The following VWA5B1 variants were observed in gnomAD, a reference collection of about 807,000 sequenced individuals.
VWA5B1 encodes the protein von Willebrand factor A domain containing 5B1, also known as von Willebrand factor A domain-containing protein 5B1.
In VWA5B1, 115 loss-of-function variants were observed where a neutral mutation model predicts 118.2. The ratio of observed to expected loss-of-function variants is 0.97; its 90% CI spans 0.84 to 1.14. The LOEUF (loss-of-function observed/expected upper bound fraction) is 1.14, where lower values mean the gene tolerates loss of function less well. Ranked by LOEUF, VWA5B1 falls within the 50% of genes most tolerant of loss-of-function variation. VWA5B1 has a pLI of 0.00. For missense variants in VWA5B1, 1,596 were observed against 1,603.8 expected (o/e 1.00, Z 0.08); for synonymous variants, 682 against 658.4 (o/e 1.04, Z -0.55).
At chr1:20,295,406 T>A (rs192972596) in intron 1 of VWA5B1, among the ~76,000 whole-genome samples, 1 of 152,244 alleles carries the variant, frequency 6.6e-6, no homozygotes, top group Non-Finnish European at 1.5e-5. Flanking sequence ...TGTGGTCAGA[T>A]CAAGATCTCA....
At chr1:20,322,604 G>A (rs945088148) in intron 7 of VWA5B1, among the ~76,000 whole-genome samples, 3 of 152,200 alleles carry the variant, frequency 2.0e-5, no homozygotes, top group African/African-American at 7.2e-5. Flanking sequence ...AAGTTGACGG[G>A]AGGCAGAGAT....
At chr1:20,300,255 G>T (rs1331472959) in intron 1 of VWA5B1, among the ~76,000 whole-genome samples, 1 of 152,162 alleles carries the variant, frequency 6.6e-6, no homozygotes, top group Non-Finnish European at 1.5e-5. Context: ...TAAGTAGTCA[G>T]ACACACAGAT....
In VWA5B1 at chr1:20,342,614, G is replaced by A. The variant is rs1402413784; in HGVS notation, c.2311+5G>A. The A allele has an allele frequency of 1.1e-5, 16 of 1,475,824 alleles. No homozygotes were observed. The highest frequency in any genetic ancestry group is 2.6e-5 in the Admixed American group (1 of 37,932). The allele number at this position is 1,475,824 out of a possible 1,614,324, so 91.4% of individuals were successfully genotyped here. On this transcript the variant is annotated splice_donor_5th_base_variant and intron_variant, in intron 15 of 21. Coordinates refer to ENST00000289815, the MANE Select transcript of VWA5B1 (RefSeq NM_001039500.3). ...GCCGAAGCCCTGGAGATCTGGGTAA[G>A]TGACCACAGGGTCCAGGACCCAACT...
At chr1:20,318,331 T>C (rs1375007885) in intron 5 of VWA5B1, 4 of 535,690 alleles carry the variant, frequency 7.5e-6, no homozygotes, top group Non-Finnish European at 1.4e-5. Context: ...GTGCGTGCCC[T>C]ATAAGAATGC....
intron 14 of VWA5B1, among the ~76,000 whole-genome samples, chr1:20,341,096 C>T (rs1432280851): frequency 1.3e-5 from 2 of 152,114 alleles, no homozygotes; most frequent in Non-Finnish European, 2.9e-5. Flanking sequence ...TTATCTTGGA[C>T]GTCTTTTCAC....
chr1:20,318,376 A>C (rs779853726), intron 5 of VWA5B1: 6 of 664,118 alleles, frequency 9.0e-6, no homozygotes, highest in Non-Finnish European at 1.3e-5. Context: ...CTGAGTTCAG[A>C]GCAGGAAGAG....
rs893920572 is a variant in VWA5B1, at chr1:20,332,967, A to C, written c.1758+16A>C. 4 of 1,551,078 alleles carry C rather than the reference A, an allele frequency of 2.6e-6. No individual in the cohort carries two copies. In the African/African-American group the frequency reaches 5.5e-5, roughly 21 times the overall value. Reference sequence around the variant, plus strand: ...TCCCAGATCTGTAAGTATCCTAGAAATTCCACGGGTCCGTGTGGGCCCAGA... The same window carrying C: ...TCCCAGATCTGTAAGTATCCTAGAACTTCCACGGGTCCGTGTGGGCCCAGA... On this transcript the variant is annotated intron_variant, in intron 12 of 21. Coordinates refer to ENST00000289815, the MANE Select transcript of VWA5B1 (RefSeq NM_001039500.3).
intron 1 of VWA5B1, among the ~76,000 whole-genome samples, chr1:20,304,561 G>A (rs116502494): frequency 6.6e-6 from 1 of 152,112 alleles, no homozygotes; most frequent in Non-Finnish European, 1.5e-5. Context: ...AGGTGTGTGT[G>A]TGTGTGCACG....
intron 7 of VWA5B1, among the ~76,000 whole-genome samples, chr1:20,320,108 T>C (rs1180038012): frequency 6.6e-6 from 1 of 152,202 alleles, no homozygotes; most frequent in Non-Finnish European, 1.5e-5. Flanking sequence ...CTCATGGTCC[T>C]GCACACTGAG....
chr1:20,309,443 T>C (rs1392220342), intron 1 of VWA5B1, among the ~76,000 whole-genome samples: 1 of 152,006 alleles, frequency 6.6e-6, no homozygotes, highest in Non-Finnish European at 1.5e-5. Flanking sequence ...GGGTTACTGG[T>C]TTAAAAATGA....
At position 20,330,267 on chromosome 1, in the gene VWA5B1, A is replaced by G. The variant is rs775407884; in HGVS notation, c.1342A>G (p.Ile448Val). 1.4e-4 allele frequency: 220 copies of G among 1,551,756 alleles called. No individual in the cohort carries two copies. The highest frequency in any genetic ancestry group is 1.5e-4 in the Non-Finnish European group (171 of 1,147,022). Residue 448 changes from isoleucine (I) to valine (V), a missense_variant, in exon 10 of 22, where the codon ATC becomes GTC. Coordinates refer to ENST00000289815, the MANE Select transcript of VWA5B1 (RefSeq NM_001039500.3). ...TNILSPLKWV[I>V]RQPVHRGHPR... ...CATCCTTTCCCCTCTCAAGTGGGTC[A>G]TCAGGCAGCCAGTGCACCGAGGCCA...
chr1:20,345,578 G>A lies in VWA5B1; in HGVS notation c.2749G>A (p.Glu917Lys). 1 of 1,549,760 alleles carries A rather than the reference G, an allele frequency of 6.5e-7. No individual in the cohort carries two copies. Among genetic ancestry groups the A allele is most frequent in the Non-Finnish European group, 8.7e-7 (1 of 1,146,312 alleles). The change falls in exon 17 of 22, where the codon GAG (glutamate) becomes AAG (lysine). Residue 917 changes from glutamate (E) to lysine (K), a missense_variant. Physicochemically the swap from Glu to Lys is moderately conservative, Grantham distance 56. Transcript: ENST00000289815. ...GAGCCGGTACCTGCCCACCGTGGTG[G>A]AGTACCCCAACTCTGGTAAGGCAGG... ...SKSRYLPTVV[E>K]YPNSGAALRM...
rs751997849 is a variant in VWA5B1 at position 20,310,628 on chromosome 1, G to C, written c.27G>C (p.Thr9=). Residue 9 remains threonine (T), a synonymous_variant, in exon 2 of 22, where the codon ACG becomes ACC. Transcript: ENST00000289815. ...TGCCCGGCTTGCTGAATTGGATCAC[G>C]GGGGCAGCCCTGCCCCTCACCGCGT... MPGLLNWI[T]GAALPLTASD... is the part of the protein sequence containing the mutation. 2 of 1,545,304 alleles carry C rather than the reference G, an allele frequency of 1.3e-6. No individual in the cohort carries two copies. The highest frequency in any genetic ancestry group is 1.2e-5 in the South Asian group (1 of 83,056).
intron 8 of VWA5B1, among the ~76,000 whole-genome samples, chr1:20,324,993 G>T (rs61770713): frequency 4.6e-5 from 7 of 152,126 alleles, no homozygotes; most frequent in Admixed American, 3.9e-4. Context: ...TTATCAGTTC[G>T]TAAGATGTCT....
At chr1:20,321,113 C>CAAAAAAAAAAAAA (rs4062863) in intron 7 of VWA5B1, among the ~76,000 whole-genome samples, 1 of 94,192 alleles carries the variant, frequency 1.1e-5, no homozygotes, top group African/African-American at 4.3e-5. Flanking sequence ...GTAACAGAGG[C>CAAAAAAAAAAAAA]AAAAAAAAAA....
At chr1:20,315,015 T>C (rs1031900137) in intron 4 of VWA5B1, among the ~76,000 whole-genome samples, 3 of 152,124 alleles carry the variant, frequency 2.0e-5, no homozygotes, top group Admixed American at 6.5e-5. Flanking sequence ...ATGAATTATG[T>C]GACTAATTAT....
chr1:20,314,778 T>C (rs1189414382), intron 4 of VWA5B1, among the ~76,000 whole-genome samples, 186 bp downstream of exon 4: 4 of 151,970 alleles, frequency 2.6e-5, no homozygotes, highest in Non-Finnish European at 5.9e-5. Context: ...AAAGTATCCC[T>C]GAAATGCCCC....
At position 20,354,294 on chromosome 1, in the gene VWA5B1, G is replaced by T; in HGVS notation, c.*31G>T. 1 of 1,462,204 alleles carries T rather than the reference G, an allele frequency of 6.8e-7. No individual in the cohort carries two copies. The highest frequency in any genetic ancestry group is 2.0e-5 in the Admixed American group (1 of 49,070). The allele number at this position is 1,462,204 out of a possible 1,614,324, so 90.6% of individuals were successfully genotyped here. On this transcript the variant is annotated 3_prime_UTR_variant, in exon 22 of 22. Transcript: ENST00000289815. ...TGACGGGGAGGCTGGGTGGAGGGAA[G>T]GGTGGGGAGGAGAGGGATGGGCAGG...
intron 19 of VWA5B1, 109 bp from the exon 20 acceptor site, chr1:20,350,748 C>A (rs1395940558): frequency 9.6e-7 from 1 of 1,042,944 alleles, no homozygotes; most frequent in South Asian, 1.4e-5. Flanking sequence ...TCCCTAGGAA[C>A]TTAGCTAAGC....
Sources: gnomAD v4.1 joint callset for allele counts (sites outside exome capture counted in the v4.1 genomes callset) on GRCh38, gnomAD v4.1.1 for gene constraint, MANE v1.5 for transcripts, NCBI Gene and HGNC (gene_info 2026-07-23, HGNC 2026-07-21) for gene names.